The following PHACTR1 variants were observed in gnomAD, a reference collection of about 807,000 sequenced individuals.
The protein encoded by PHACTR1 is RPEL repeat containing 1.
A neutral mutation model predicts 69.2 loss-of-function variants in PHACTR1; 16 were observed. That is an observed-to-expected ratio of 0.23 (90% CI 0.16 to 0.35). The LOEUF is 0.35. Ranked by LOEUF, PHACTR1 falls within the 10% of genes least tolerant of loss-of-function variation. PHACTR1 has a pLI of 1.00. For missense variants in PHACTR1, 510 were observed against 734.7 expected (o/e 0.69, Z 3.54); for synonymous variants, 312 against 284.5 (o/e 1.10, Z -0.97).
chr6:12,748,643 G>T (rs1313408872), intron 3 of PHACTR1, among the ~76,000 whole-genome samples: 3 of 152,160 alleles, frequency 2.0e-5, no homozygotes, highest in Non-Finnish European at 4.4e-5. Flanking sequence ...CAGTGCAGGC[G>T]TTCAAAGAAA....
intron 4 of PHACTR1, 58 bp downstream of exon 4, chr6:12,749,848 T>G (rs1282970856): frequency 5.8e-6 from 8 of 1,387,674 alleles, no homozygotes; most frequent in Non-Finnish European, 7.5e-6. Context: ...CCTCCCCGGC[T>G]GTTGAGCCCC....
chr6:13,204,351 GGA>G (rs929708531), intron 7 of PHACTR1, among the ~76,000 whole-genome samples: 5 of 152,006 alleles, frequency 3.3e-5, no homozygotes, highest in African/African-American at 9.7e-5. Context: ...CCTCCGAGAT[GGA>G]GAGTCAGAAC....
chr6:12,860,465 A>G (rs559364879), intron 4 of PHACTR1, among the ~76,000 whole-genome samples: 1 of 152,230 alleles, frequency 6.6e-6, no homozygotes, highest in African/African-American at 2.4e-5. Context: ...ATACATGTGC[A>G]TGCGTCTTTA....
rs886375748 is a variant in PHACTR1, at chr6:13,275,749, A to G, written c.1448-2519A>G. ...GGTCACTAGGTCCCCTCATGGCCCT[A>G]GTATTCTGTGCTTCTGTAAATTTTC... On this transcript the variant is annotated intron_variant, in intron 11 of 14. Transcript: ENST00000332995. This position sits in a 1 kb window ranked among gnomAD's most constrained non-coding sequence, Gnocchi z 4.0. The G allele has an allele frequency of 9.2e-5, 14 of 152,118 alleles. No homozygotes were observed. Among genetic ancestry groups the G allele is most frequent in the African/African-American group, 3.4e-4 (14 of 41,406 alleles). 9.4% of individuals were successfully genotyped at this position (152,118 alleles called of 1,614,324 possible). A position where few individuals can be genotyped will look rare whatever the true frequency, so the allele number is the denominator to read the frequency against.
rs11966623 is a variant in PHACTR1, at chr6:12,975,383, C to G, written c.251-77982C>G. Among the ~76,000 whole-genome samples, 1,212 of 152,262 alleles carry G rather than the reference C, an allele frequency of 8.0e-3. 13 individuals are homozygous for G. Among genetic ancestry groups the G allele is most frequent in the African/African-American group, 0.028 (1,152 of 41,526 alleles). On this transcript the variant is annotated intron_variant, in intron 4 of 14. Transcript: ENST00000332995. The stretch of plus-strand genomic sequence containing the variant: ...GATATGTTAATAAATTATGGCTGCT[C>G]TGTATTATTTATATGAAAATACTCT...
chr6:13,274,783 A>C (rs900691705), intron 11 of PHACTR1: 1 of 152,208 alleles, frequency 6.6e-6, no homozygotes, highest in African/African-American at 2.4e-5. Context: ...AGGGGACCAA[A>C]AAGGAGTTGT....
At chr6:13,167,043 C>T (rs1321396968) in intron 6 of PHACTR1, among the ~76,000 whole-genome samples, 2 of 152,254 alleles carry the variant, frequency 1.3e-5, no homozygotes, top group East Asian at 3.9e-4. Context: ...ACTGATTATT[C>T]CAATGTAGGC....
chr6:12,895,708 A>G (rs1784603404), intron 4 of PHACTR1, among the ~76,000 whole-genome samples: 1 of 152,220 alleles, frequency 6.6e-6, no homozygotes. Context: ...CCAAAGTGAC[A>G]TCATCTTCAT....
At chr6:13,156,593 C>T (rs1206873878) in intron 5 of PHACTR1, among the ~76,000 whole-genome samples, 2 of 152,200 alleles carry the variant, frequency 1.3e-5, no homozygotes, top group African/African-American at 4.8e-5. Context: ...GTCTGTGCCA[C>T]GTAGCACATT....
At chr6:13,129,093 C>T (rs1381872899) in intron 5 of PHACTR1, among the ~76,000 whole-genome samples, 1 of 152,034 alleles carries the variant, frequency 6.6e-6, no homozygotes, top group Admixed American at 6.5e-5. Flanking sequence ...TTTTTTCAGA[C>T]AAACAAATGC....
Position 12,758,893 on chromosome 6 carries a change from C to T in PHACTR1, c.250+9103C>T, listed in dbSNP as rs1384427782. On this transcript the variant is annotated intron_variant, in intron 4 of 14. Transcript: ENST00000332995. The stretch of plus-strand genomic sequence containing the variant: ...ATCCTTGCGTTTTGGGAGGCTGAGG[C>T]GGGTGGATCACTTGAGGTCAGGAGT... 5.9e-5 allele frequency among the ~76,000 whole-genome samples: 9 copies of T among 151,990 alleles called. No individual in the cohort carries two copies. The South Asian group carries it at 8.3e-4, about 14-fold the overall frequency.
chr6:13,257,809 C>T (rs1775380023), intron 10 of PHACTR1, among the ~76,000 whole-genome samples: 2 of 152,112 alleles, frequency 1.3e-5, no homozygotes, highest in South Asian at 4.1e-4. Context: ...TTTATGACAG[C>T]ATCTAGAGCT....
chr6:12,962,018 T>C (rs1224547013), intron 4 of PHACTR1, among the ~76,000 whole-genome samples: 1 of 152,204 alleles, frequency 6.6e-6, no homozygotes, highest in Non-Finnish European at 1.5e-5. Flanking sequence ...AGCCTTGATC[T>C]CCTGGGCTCA....
intron 4 of PHACTR1, among the ~76,000 whole-genome samples, chr6:12,787,502 G>A (rs1771684094): frequency 6.6e-6 from 1 of 152,148 alleles, no homozygotes; most frequent in Non-Finnish European, 1.5e-5. Context: ...CTGAGCAAAT[G>A]GTTTCCCGGG....
At chr6:13,118,405 A>T (rs868041626) in intron 5 of PHACTR1, among the ~76,000 whole-genome samples, 8 of 151,144 alleles carry the variant, frequency 5.3e-5, no homozygotes, top group African/African-American at 1.2e-4. Context: ...CTGCTGTCTT[A>T]TTAGATAACA....
At chr6:13,236,922 G>A (rs922783354) in intron 10 of PHACTR1, among the ~76,000 whole-genome samples, 1 of 152,086 alleles carries the variant, frequency 6.6e-6, no homozygotes, top group Non-Finnish European at 1.5e-5. Context: ...AGATGAATAG[G>A]GAGTGTTAGG....
At chr6:13,066,578 C>T (rs942285178) in intron 5 of PHACTR1, among the ~76,000 whole-genome samples, 1 of 152,072 alleles carries the variant, frequency 6.6e-6, no homozygotes, top group African/African-American at 2.4e-5. Flanking sequence ...TACAAAACCC[C>T]CTAAAACATA....
chr6:12,764,325 T>C (rs926079444), intron 4 of PHACTR1, among the ~76,000 whole-genome samples: 5 of 152,252 alleles, frequency 3.3e-5, no homozygotes, highest in African/African-American at 4.8e-5. Context: ...TTCTAGTTGC[T>C]GGTTGCCACA....
chr6:13,184,745 G>A (rs946370076), intron 7 of PHACTR1: 7 of 1,323,344 alleles, frequency 5.3e-6, no homozygotes, highest in East Asian at 4.6e-5. Context: ...CGCTGGCCCC[G>A]CCTGCACTGC....
Sources: allele counts gnomAD v4.1 joint callset (sites outside exome capture counted in the v4.1 genomes callset), GRCh38; gene constraint gnomAD v4.1.1; non-coding constraint Gnocchi (gnomAD v3.1); transcripts MANE v1.5; gene names NCBI Gene and HGNC (gene_info 2026-07-23, HGNC 2026-07-21).